The following AFG2A variants were observed in gnomAD, a reference collection of about 807,000 sequenced individuals.
AFG2A encodes AAA ATPase AFG2A.
At chr4:123,063,918 T>C in the AFG2A span, among the ~76,000 whole-genome samples, 1 of 152,182 alleles carries the variant, frequency 6.6e-6, no homozygotes, top group South Asian at 2.1e-4. Context: ...TAATTAGCCA[T>C]GAAGCAGAGG....
At chr4:123,054,114 A>T in the AFG2A span, among the ~76,000 whole-genome samples, 1 of 152,212 alleles carries the variant, frequency 6.6e-6, no homozygotes, top group Non-Finnish European at 1.5e-5. Flanking sequence ...ACCCTTTGGC[A>T]GATGATTTTG....
chr4:123,033,575 G>A, the AFG2A span, among the ~76,000 whole-genome samples: 1 of 152,174 alleles, frequency 6.6e-6, no homozygotes, highest in Non-Finnish European at 1.5e-5. Context: ...GGCAATCACA[G>A]CCAAAGATAC....
the AFG2A span, among the ~76,000 whole-genome samples, chr4:123,039,616 G>T: frequency 1.3e-5 from 2 of 151,718 alleles, no homozygotes; most frequent in Non-Finnish European, 2.9e-5. Context: ...TTTATATTAT[G>T]TTATGAATAG....
chr4:123,140,421 A>G, the AFG2A span, among the ~76,000 whole-genome samples: 2 of 151,934 alleles, frequency 1.3e-5, no homozygotes, highest in Non-Finnish European at 2.9e-5. Context: ...TTGATATATG[A>G]TGATATGTTA....
chr4:123,162,029 A>AG, the AFG2A span, among the ~76,000 whole-genome samples: 1 of 151,340 alleles, frequency 6.6e-6, no homozygotes, highest in Non-Finnish European at 1.5e-5. Context: ...GCTGGGGAAA[A>AG]AAAAGACCAG....
the AFG2A span, among the ~76,000 whole-genome samples, chr4:123,289,735 A>G: frequency 6.6e-6 from 1 of 152,104 alleles, no homozygotes; most frequent in Admixed American, 6.5e-5. Flanking sequence ...CCGGGGTAAG[A>G]TGATATCTCA....
At chr4:122,979,035 C>T in the AFG2A span, among the ~76,000 whole-genome samples, 99 of 152,304 alleles carry the variant, frequency 6.5e-4, no homozygotes, top group Middle Eastern at 3.4e-3. Flanking sequence ...TCACACCCCA[C>T]CAACTTGGAA....
At chr4:123,095,151 T>G in the AFG2A span, among the ~76,000 whole-genome samples, 1 of 150,876 alleles carries the variant, frequency 6.6e-6, no homozygotes, top group Admixed American at 6.6e-5. Flanking sequence ...TGATTCCCTC[T>G]TATTTTGAAC....
At chr4:123,099,483 T>C in the AFG2A span, among the ~76,000 whole-genome samples, 2 of 151,824 alleles carry the variant, frequency 1.3e-5, no homozygotes, top group Non-Finnish European at 2.9e-5. Flanking sequence ...TTTTCAGTTT[T>C]AGCTCTTTAT....
the AFG2A span, among the ~76,000 whole-genome samples, chr4:123,251,847 T>C: frequency 4.7e-4 from 71 of 152,222 alleles, no homozygotes; most frequent in African/African-American, 1.7e-3. Flanking sequence ...AAGGGAAATA[T>C]ATTTATTTTA....
the AFG2A span, among the ~76,000 whole-genome samples, chr4:123,223,755 T>C: frequency 6.6e-6 from 1 of 152,150 alleles, no homozygotes; most frequent in Non-Finnish European, 1.5e-5. Flanking sequence ...AACCATATCA[T>C]GGGTTATTGG....
the AFG2A span, among the ~76,000 whole-genome samples, chr4:123,128,781 T>C: frequency 6.6e-6 from 1 of 152,160 alleles, no homozygotes; most frequent in Non-Finnish European, 1.5e-5. Flanking sequence ...TAGACCTGTG[T>C]GTGATTTCTG....
At chr4:123,289,600 A>G in the AFG2A span, among the ~76,000 whole-genome samples, 1 of 152,184 alleles carries the variant, frequency 6.6e-6, no homozygotes, top group African/African-American at 2.4e-5. Flanking sequence ...ATTGTTTTCC[A>G]TAGAGGTTGT....
At chr4:122,925,650 C>G in the AFG2A span, among the ~76,000 whole-genome samples, 1 of 152,208 alleles carries the variant, frequency 6.6e-6, no homozygotes, top group African/African-American at 2.4e-5. Context: ...ATCTTAACAT[C>G]ACTTCCTTTG....
At chr4:123,079,736 C>CTT in the AFG2A span, among the ~76,000 whole-genome samples, 3 of 110,396 alleles carry the variant, frequency 2.7e-5, no homozygotes, top group Non-Finnish European at 5.6e-5. Flanking sequence ...CTTTTTTTTT[C>CTT]TTTTCCTTCT....
chr4:123,070,149 A>G, the AFG2A span, among the ~76,000 whole-genome samples: 19 of 152,206 alleles, frequency 1.2e-4, no homozygotes, highest in Admixed American at 1.0e-3. Context: ...TTCAGCAAAT[A>G]TTTATGTATC....
At chr4:123,147,146 T>C in the AFG2A span, among the ~76,000 whole-genome samples, 1 of 152,198 alleles carries the variant, frequency 6.6e-6, no homozygotes, top group African/African-American at 2.4e-5. Flanking sequence ...GTTAACTAAT[T>C]TCTTAAATTT....
the AFG2A span, among the ~76,000 whole-genome samples, chr4:123,114,130 G>T: frequency 6.6e-6 from 1 of 152,062 alleles, no homozygotes; most frequent in African/African-American, 2.4e-5. Flanking sequence ...TCTGCAGTCG[G>T]TCCCTCCACT....
the AFG2A span, among the ~76,000 whole-genome samples, chr4:123,158,346 G>A: frequency 6.6e-6 from 1 of 152,156 alleles, no homozygotes; most frequent in African/African-American, 2.4e-5. Context: ...GCATTGAAAG[G>A]TCAATCTCAG....
Sources: allele counts gnomAD v4.1 joint callset (sites outside exome capture counted in the v4.1 genomes callset), GRCh38; gene constraint gnomAD v4.1.1; transcripts MANE v1.5; gene names NCBI Gene and HGNC (gene_info 2026-07-23, HGNC 2026-07-21).